The following NOTCH2 variants were observed in gnomAD, a reference collection of about 807,000 sequenced individuals.
NOTCH2 encodes the protein notch receptor 2.
In NOTCH2, 29 loss-of-function variants were observed where a neutral mutation model predicts 235.8. The ratio of observed to expected loss-of-function variants is 0.12; its 90% confidence interval spans 0.09 to 0.17. The LOEUF is 0.17. Ranked by LOEUF, NOTCH2 falls within the 10% of genes least tolerant of loss-of-function variation. The probability of loss-of-function intolerance (pLI) is 1.00; values close to 1 mark genes in which losing one functional copy is unlikely to be tolerated. For missense variants in NOTCH2, 2,285 were observed against 3,150.2 expected (o/e 0.73, Z 6.57); for synonymous variants, 1,086 against 1,141.5 (o/e 0.95, Z 0.98).
rs981318480 is a variant in NOTCH2, at chr1:119,924,771, T to G, written c.4511+534A>C. ...TATGAAAGAATGTTAGTAATACCTA[T>G]GCCTCGTGAGTTGCTGAGAATTAAT... On this transcript the variant is annotated intron_variant, in intron 25 of 33. Coordinates refer to ENST00000256646, the MANE Select transcript of NOTCH2 (RefSeq NM_024408.4). 1.7e-4 allele frequency among the ~76,000 whole-genome samples: 26 copies of G among 152,246 alleles called. 1 individual carries two copies. Among genetic ancestry groups the G allele is most frequent in the Admixed American group, 1.7e-3 (26 of 15,282 alleles).
At chr1:119,983,891 C>CT (rs1300499099) in intron 5 of NOTCH2, among the ~76,000 whole-genome samples, 3 of 152,142 alleles carry the variant, frequency 2.0e-5, no homozygotes, top group Non-Finnish European at 4.4e-5. Context: ...TAATGCCTAT[C>CT]TTTTTTCAGC....
intron 1 of NOTCH2, among the ~76,000 whole-genome samples, chr1:120,067,522 T>A (rs1553217311): frequency 6.6e-6 from 1 of 152,210 alleles, no homozygotes; most frequent in Admixed American, 6.5e-5. Context: ...ACAATTATAT[T>A]TATTATTCCC....
In NOTCH2 at chr1:119,969,492, C is replaced by T. The variant is rs2101147895; in HGVS notation, c.1108+19G>A. Reference sequence around the variant, plus strand: ...CCCTGCCCCTTCCCTGTTTCTAGATCCGTCCTTCTGCTACCTACCTGCCTT... The same window carrying T: ...CCCTGCCCCTTCCCTGTTTCTAGATTCGTCCTTCTGCTACCTACCTGCCTT... On this transcript the variant is annotated intron_variant, in intron 6 of 33. Coordinates refer to ENST00000256646, the MANE Select transcript of NOTCH2 (RefSeq NM_024408.4). 1 of 1,609,366 alleles carries T rather than the reference C, an allele frequency of 6.2e-7. No individual in the cohort carries two copies. Among genetic ancestry groups the T allele is most frequent in the South Asian group, 1.1e-5 (1 of 90,712 alleles).
chr1:120,027,471 A>G (rs1653904851), intron 2 of NOTCH2, among the ~76,000 whole-genome samples: 1 of 147,970 alleles, frequency 6.8e-6, no homozygotes, highest in Non-Finnish European at 1.5e-5. Flanking sequence ...TTTTTTTTAA[A>G]TTTTACTTTT....
intron 26 of NOTCH2, 124 bp from the exon 27 acceptor site, chr1:119,922,902 C>T: frequency 1.7e-6 from 2 of 1,180,542 alleles, no homozygotes; most frequent in South Asian, 1.2e-5. Context: ...GCATCAGGTC[C>T]CCACCTCTGG....
chr1:119,953,245 A>G (rs2101121675), intron 14 of NOTCH2, among the ~76,000 whole-genome samples: 1 of 152,052 alleles, frequency 6.6e-6, no homozygotes, highest in East Asian at 1.9e-4. Context: ...CGGGAGGTAG[A>G]GCTTGCAGTG....
At chr1:120,067,280 A>T (rs1287700839) in intron 1 of NOTCH2, among the ~76,000 whole-genome samples, 2 of 145,648 alleles carry the variant, frequency 1.4e-5, no homozygotes, top group East Asian at 3.9e-4. Context: ...TTTAGCATCT[A>T]AAGAACACCT....
chr1:119,971,148 C>G (rs1479764577), intron 5 of NOTCH2, among the ~76,000 whole-genome samples: 1 of 152,162 alleles, frequency 6.6e-6, no homozygotes, highest in South Asian at 2.1e-4. Flanking sequence ...ACTATAGAAC[C>G]AATATCACTC....
intron 27 of NOTCH2, 87 bp from the exon 28 acceptor site, chr1:119,922,533 A>G (rs1649322266): frequency 1.3e-6 from 2 of 1,595,226 alleles, no homozygotes; most frequent in African/African-American, 2.7e-5. Context: ...GGCAACTTTG[A>G]CCTCAACAGT....
At chr1:119,935,735 T>C in intron 21 of NOTCH2, 131 bp from the exon 22 acceptor site, 1 of 989,868 alleles carries the variant, frequency 1.0e-6, no homozygotes, top group South Asian at 1.4e-5. Context: ...ATGTTTTCTC[T>C]GGAACCATCA....
chr1:119,914,064 C>T lies in NOTCH2; in HGVS notation c.*1242G>A, dbSNP rs371999721. 1.8e-4 allele frequency: 42 copies of T among 233,202 alleles called. No homozygotes were observed. The highest frequency in any genetic ancestry group is 1.3e-3 in the Middle Eastern group (1 of 786). The allele number at this position is 233,202 out of a possible 1,614,324, so 14.4% of individuals were successfully genotyped here. A position where few individuals can be genotyped will look rare whatever the true frequency, so the allele number is the denominator to read the frequency against. ...CAGTAGAGACTGATCATCTGACAAA[C>T]GGAAGACAACTGTCACTGGGTCCCT... On this transcript the variant is annotated 3_prime_UTR_variant, in exon 34 of 34. Transcript: ENST00000256646.
At chr1:119,953,828 A>C (rs1324800659) in intron 13 of NOTCH2, 140 bp from the exon 14 acceptor site, 20 of 788,998 alleles carry the variant, frequency 2.5e-5, no homozygotes, top group Non-Finnish European at 3.7e-5. Context: ...ATCACCTTGC[A>C]CATGGTGTGT....
intron 19 of NOTCH2, among the ~76,000 whole-genome samples, chr1:119,939,332 A>C (rs1188142357): frequency 6.6e-5 from 10 of 152,204 alleles, no homozygotes; most frequent in African/African-American, 2.4e-4. Context: ...AGGGAAACCC[A>C]ACAGGTTAAG....
rs1649044352 is a variant in NOTCH2 at position 119,915,769 on chromosome 1, G to A, written c.6953C>T (p.Pro2318Leu). ...GGACTGAGGCTGGGGAGCCCCCGCT[G>A]GTTGGGCAATACTGCCTTTAGGGAT... ...QLIPKGSIAQ[P>L]AGAPQPQSTC... Residue 2318 changes from proline (P) to leucine (L), a missense_variant, in exon 34 of 34, where the codon CCA (proline) becomes CTA (leucine). Physicochemically the swap from Pro to Leu is moderately conservative, Grantham distance 98 (BLOSUM62 -3). This residue lies in a region of NOTCH2 where 504 missense variants were observed against 538.0 expected (regional missense o/e 0.94). Transcript: ENST00000256646. 6.2e-7 allele frequency: 1 copy of A among 1,608,926 alleles called. No homozygotes were observed. The highest frequency in any genetic ancestry group is 1.3e-5 in the African/African-American group (1 of 74,986).
chr1:119,961,376 A>G (rs1025625673), intron 11 of NOTCH2, among the ~76,000 whole-genome samples: 16 of 152,300 alleles, frequency 1.1e-4, no homozygotes, highest in African/African-American at 3.1e-4. Flanking sequence ...CCCCCTCCCA[A>G]TGAAGCCCTG....
intron 13 of NOTCH2, among the ~76,000 whole-genome samples, chr1:119,954,637 C>T (rs1553198200): frequency 2.6e-5 from 4 of 152,184 alleles, no homozygotes; most frequent in African/African-American, 9.7e-5. Context: ...CTTCAGAGCA[C>T]ACACTGGCAC....
At chr1:119,929,647 T>TA (rs1166582368) in intron 22 of NOTCH2, among the ~76,000 whole-genome samples, 3 of 152,274 alleles carry the variant, frequency 2.0e-5, no homozygotes, top group Non-Finnish European at 2.9e-5. Flanking sequence ...AGGCAGCACA[T>TA]ACGACAGTGG....
rs2101144293 is a variant in NOTCH2 at position 119,916,326 on chromosome 1, C to T, written c.6396G>A (p.Lys2132=). 6.2e-7 allele frequency: 1 copy of T among 1,614,208 alleles called. No individual in the cohort carries two copies. The highest frequency in any genetic ancestry group is 8.5e-7 in the Non-Finnish European group (1 of 1,180,036). Residue 2132 remains lysine, a synonymous_variant, in exon 34 of 34, where the codon AAG becomes AAA. Transcript: ENST00000256646. ...GTTGGACCTTCTCACTCAGAGACTT[C>T]TTCCTCCTACTACCCTTGGCATCCT... ...EAKDAKGSRR[K]KSLSEKVQLS...
intron 17 of NOTCH2, among the ~76,000 whole-genome samples, chr1:119,944,442 G>C (rs781885807): frequency 6.7e-6 from 1 of 149,936 alleles, no homozygotes; most frequent in Non-Finnish European, 1.5e-5. Flanking sequence ...GGCTGAGGCA[G>C]AAGAATGGCG....
Sources: gnomAD v4.1 joint callset for allele counts (sites outside exome capture counted in the v4.1 genomes callset) on GRCh38, gnomAD v4.1.1 for gene constraint, gnomAD v4.1.1 regional missense constraint, MANE v1.5 for transcripts, NCBI Gene and HGNC (gene_info 2026-07-23, HGNC 2026-07-21) for gene names.